POLE: variants seen among roughly 807,000 people sequenced by gnomAD.
POLE encodes DNA polymerase epsilon, catalytic subunit.
Under a neutral mutation model 279.2 loss-of-function variants are expected in POLE, and 188 were observed. The ratio of observed to expected loss-of-function variants is 0.67; its 90% confidence interval spans 0.60 to 0.76. The LOEUF (loss-of-function observed/expected upper bound fraction) is 0.76. Ranked by LOEUF, POLE falls within the 30% of genes least tolerant of loss-of-function variation. The pLI is 0.00. For missense variants in POLE, 2,703 were observed against 3,016.7 expected, an observed-to-expected ratio of 0.90 and a Z score of 2.44; for synonymous variants, 1,214 against 1,172.5, an observed-to-expected ratio of 1.04 and a Z score of -0.72.
chr12:132,637,873 G>A (rs2042065016), intron 41 of POLE, 141 bp downstream of exon 41: 4 of 874,564 alleles, frequency 4.6e-6, no homozygotes, highest in East Asian at 2.8e-5. Flanking sequence ...CCCTTTTCAC[G>A]CTGCTCAGAT....
At chr12:132,680,896 A>G (rs2043152283) in intron 2 of POLE, 1 of 628,488 alleles carries the variant, frequency 1.6e-6, no homozygotes, top group South Asian at 2.0e-5. Flanking sequence ...TTTCTCCCTC[A>G]TAATCCTTGA....
At chr12:132,672,179 A>G (rs921262331) in intron 16 of POLE, 36 bp downstream of exon 16, 4 of 1,458,250 alleles carry the variant, frequency 2.7e-6, no homozygotes, top group Non-Finnish European at 2.9e-6. Flanking sequence ...AAGGCGCCAA[A>G]CACAGACTGG....
chr12:132,640,328 TCTGAAGAGGCAGGGGCTGCC>T (rs2042116701), intron 39 of POLE, among the ~76,000 whole-genome samples: 1 of 152,202 alleles, frequency 6.6e-6, no homozygotes, highest in South Asian at 2.1e-4. Flanking sequence ...GTGCCTTCCC[TCTGAAGAGGCAGGGGCTGCC>T]CTGGGCTGGG....
chr12:132,673,082 C>A, intron 14 of POLE, 82 bp downstream of exon 14: 1 of 957,560 alleles, frequency 1.0e-6, no homozygotes, highest in Admixed American at 1.7e-5. Context: ...CCTGGGACAT[C>A]CACCTCCATT....
chr12:132,636,122 T>C, intron 41 of POLE, 98 bp from the exon 42 acceptor site: 1 of 1,249,226 alleles, frequency 8.0e-7, no homozygotes, highest in African/African-American at 1.5e-5. Flanking sequence ...CTCCACTTAC[T>C]TAACACTGAA....
intron 42 of POLE, 84 bp downstream of exon 42, chr12:132,635,808 C>T (rs954746529): frequency 2.5e-5 from 37 of 1,461,176 alleles, no homozygotes; most frequent in South Asian, 1.4e-4. Flanking sequence ...CCAGGCCCGC[C>T]GGGGCCCTGA....
Position 132,675,675 on chromosome 12 carries a change from C to T in POLE, c.1106+60G>A, listed in dbSNP as rs549821536. 1,579 of 1,567,578 alleles carry T rather than the reference C, an allele frequency of 1.0e-3. 13 individuals carry two copies. Among genetic ancestry groups the T allele is most frequent in the Middle Eastern group, 9.8e-3 (54 of 5,492 alleles). On this transcript the variant is annotated intron_variant, in intron 11 of 48. Transcript: ENST00000320574. This position sits in a 1 kb window ranked among gnomAD's most constrained non-coding sequence, Gnocchi z 4.3. The stretch of plus-strand genomic sequence containing the variant: ...GTCGACATGGGAAGCGCCCCTGCAC[C>T]ACGCAACGCCCTCCCTCTCAAATGC...
intron 16 of POLE, among the ~76,000 whole-genome samples, chr12:132,669,833 G>A (rs917340496): frequency 1.3e-5 from 2 of 152,198 alleles, no homozygotes; most frequent in Non-Finnish European, 2.9e-5. Context: ...CCGCCCAACA[G>A]GTGACCCTTC....
At chr12:132,641,931 C>G in intron 38 of POLE, 80 bp from the exon 39 acceptor site, 1 of 1,355,364 alleles carries the variant, frequency 7.4e-7, no homozygotes, top group Non-Finnish European at 1.0e-6. Context: ...CTCCAGCCAC[C>G]ACCACCTCCA....
intron 9 of POLE, 72 bp from the exon 10 acceptor site, chr12:132,676,276 C>A: frequency 1.0e-6 from 1 of 992,486 alleles, no homozygotes; most frequent in Admixed American, 1.9e-5. Context: ...CCACCCTGCC[C>A]ACACACTCTG....
chr12:132,657,577 G>A, intron 27 of POLE, 148 bp from the exon 28 acceptor site: 1 of 729,234 alleles, frequency 1.4e-6, no homozygotes, highest in Non-Finnish European at 2.3e-6. Flanking sequence ...GCACAACAGA[G>A]GACACCAAGG....
At chr12:132,657,738 T>C in intron 27 of POLE, 130 bp downstream of exon 27, 1 of 742,796 alleles carries the variant, frequency 1.3e-6, no homozygotes, top group Non-Finnish European at 2.3e-6. Context: ...TGCTCACCTA[T>C]TACTTATCAG....
In POLE at chr12:132,649,835, C is replaced by T; in HGVS notation, c.3637G>A (p.Glu1213Lys). ...DSPRPSAPDM[E>K]DFGLVKLPHP... ...GGCAGCTTTACGAGGCCGAAGTCCT[C>T]CATGTCAGGAGCACTTGGCCTCGGA... Residue 1213 changes from glutamate to lysine, a missense_variant, in exon 30 of 49, where the codon GAG (glutamate) becomes AAG (lysine). Coordinates refer to ENST00000320574, the MANE Select transcript of POLE (RefSeq NM_006231.4). The T allele has an allele frequency of 6.2e-7, 1 of 1,614,148 alleles. No individual in the cohort carries two copies. Among genetic ancestry groups the T allele is most frequent in the Non-Finnish European group, 8.5e-7 (1 of 1,180,030 alleles).
chr12:132,644,029 G>A (rs1483575900), intron 32 of POLE, 52 bp from the exon 33 acceptor site: 1 of 1,585,746 alleles, frequency 6.3e-7, no homozygotes, highest in South Asian at 1.1e-5. Context: ...GGTAATGTCT[G>A]TGGTACACAC....
At chr12:132,655,314 GT>G (rs968655205) in intron 29 of POLE, among the ~76,000 whole-genome samples, 27 of 147,862 alleles carry the variant, frequency 1.8e-4, no homozygotes, top group African/African-American at 4.0e-4. Context: ...TTATAAATGT[GT>G]TTTTTTTTTC....
intron 39 of POLE, chr12:132,641,367 CA>C (rs1346770037): frequency 8.0e-6 from 4 of 499,208 alleles, no homozygotes; most frequent in African/African-American, 1.9e-5. Context: ...TACCTTTGGT[CA>C]CATCGAAAAG....
Position 132,675,842 on chromosome 12 carries a change from C to CA in POLE, c.1021-23dup. On this transcript the variant is annotated intron_variant, in intron 10 of 48. Transcript: ENST00000320574. This position sits in a 1 kb window ranked among gnomAD's most constrained non-coding sequence, Gnocchi z 4.3. ...GAGCCTGAACCCAAGTCACAGCAGT[C>CA]AGAGGTCTGCTCTTTCTCTTCTTCA... is the stretch of plus-strand genomic sequence containing the variant. 6.3e-7 allele frequency: 1 copy of CA among 1,579,468 alleles called. No homozygotes were observed. The highest frequency in any genetic ancestry group is 2.2e-5 in the East Asian group (1 of 44,726).
chr12:132,624,460 G>A lies in POLE; in HGVS notation c.*237C>T, dbSNP rs919066587. 11 of 581,348 alleles carry A rather than the reference G, an allele frequency of 1.9e-5. No individual in the cohort carries two copies. The highest frequency in any genetic ancestry group is 2.8e-5 in the East Asian group (1 of 35,126). The allele number at this position is 581,348 out of a possible 1,614,324, so 36.0% of individuals were successfully genotyped here. On this transcript the variant is annotated 3_prime_UTR_variant, in exon 49 of 49. Transcript: ENST00000320574. ...CCAGGGCACTCGCAGCCTCGCTCAC[G>A]GCCTGCTTCTTCAGGTGCTCTGGCG...
chr12:132,625,545 G>T (rs1197613123), intron 47 of POLE, 100 bp downstream of exon 47: 16 of 1,472,332 alleles, frequency 1.1e-5, no homozygotes, highest in Non-Finnish European at 1.4e-5. Flanking sequence ...GAAGACACCA[G>T]GGCGTGCCTC....
Sources: gnomAD v4.1 joint callset for allele counts (sites outside exome capture counted in the v4.1 genomes callset) on GRCh38, gnomAD v4.1.1 for gene constraint, Gnocchi (gnomAD v3.1) non-coding constraint, MANE v1.5 for transcripts, NCBI Gene and HGNC (gene_info 2026-07-23, HGNC 2026-07-21) for gene names.